Variants in ANTXRL observed in about 807,000 individuals in gnomAD.
ANTXRL encodes the protein ANTXR like, also known as anthrax toxin receptor-like.
In ANTXRL, 63 loss-of-function variants were observed where a neutral mutation model predicts 75.4. The ratio of observed to expected loss-of-function variants is 0.84; its 90% CI spans 0.68 to 1.03. The LOEUF (loss-of-function observed/expected upper bound fraction) is 1.03. ANTXRL is among the 50% of genes least tolerant of loss of function. The pLI, the probability that ANTXRL is intolerant of heterozygous loss-of-function variation, is 0.00. For synonymous variants in ANTXRL, 335 were observed against 291.3 expected, an observed-to-expected ratio of 1.15 and a Z score of -1.53; for missense variants, 797 against 789.4, an observed-to-expected ratio of 1.01 and a Z score of -0.12.
Position 46,292,239 on chromosome 10 carries a change from G to A in ANTXRL, c.320+110G>A, listed in dbSNP as rs556059085. 6 of 990,794 alleles carry A rather than the reference G, an allele frequency of 6.1e-6. No homozygotes were observed. The Admixed American group carries it at 1.2e-4, about 20-fold the overall frequency. 61.4% of individuals were successfully genotyped at this position (990,794 alleles called of 1,614,324 possible). A position where few individuals can be genotyped will look rare whatever the true frequency, so the allele number is the denominator to read the frequency against. ...GGGGTGGGCGTGGGAGTCCTTCAGT[G>A]GGGGACACAGAGCACAAGGTGGCAT... On this transcript the variant is annotated intron_variant, in intron 2 of 16. Coordinates refer to ENST00000620264, the MANE Select transcript of ANTXRL (RefSeq NM_001278688.3).
intron 16 of ANTXRL, among the ~76,000 whole-genome samples, chr10:46,326,267 G>A (rs1296984270): frequency 2.6e-5 from 4 of 152,060 alleles, no homozygotes; most frequent in Non-Finnish European, 4.4e-5. Context: ...CAGCACTGGT[G>A]TTAGGGATGA....
At chr10:46,302,374 G>A (rs1837804677) in intron 9 of ANTXRL, among the ~76,000 whole-genome samples, 1 of 152,150 alleles carries the variant, frequency 6.6e-6, no homozygotes, top group African/African-American at 2.4e-5. Flanking sequence ...TGAGTGCACG[G>A]CCTGCACACC....
rs115918208 is a variant in ANTXRL, at chr10:46,307,264, C to T, written c.966-138C>T. On this transcript the variant is annotated intron_variant, in intron 11 of 16. Transcript: ENST00000620264. Reference sequence around the variant, plus strand: ...CCATGCAGGGCCCCTCACTGTCTGACCCACTTACCCTTTGGTCATCATTGC... The same window carrying T: ...CCATGCAGGGCCCCTCACTGTCTGATCCACTTACCCTTTGGTCATCATTGC... 3.5e-4 allele frequency: 240 copies of T among 693,844 alleles called. 1 individual carries two copies. The African/African-American group carries it at 3.9e-3, about 11-fold the overall frequency. 43.0% of individuals were successfully genotyped at this position (693,844 alleles called of 1,614,324 possible).
intron 12 of ANTXRL, among the ~76,000 whole-genome samples, 196 bp from the exon 13 acceptor site, chr10:46,308,917 T>A (rs550702324): frequency 6.6e-6 from 1 of 152,154 alleles, no homozygotes; most frequent in Non-Finnish European, 1.5e-5. Flanking sequence ...GGCAGGGCTC[T>A]GGGGCAGAGA....
chr10:46,292,513 A>G (rs1191097046), intron 2 of ANTXRL, among the ~76,000 whole-genome samples: 3 of 152,190 alleles, frequency 2.0e-5, no homozygotes, highest in African/African-American at 7.2e-5. Context: ...TCCTAAGGAC[A>G]AAGTCAAGGA....
intron 16 of ANTXRL, among the ~76,000 whole-genome samples, chr10:46,315,078 G>T (rs1554964412): frequency 6.6e-6 from 1 of 152,214 alleles, no homozygotes; most frequent in Non-Finnish European, 1.5e-5. Context: ...AGCCTTCGGT[G>T]TGCTGGCCCT....
In ANTXRL at chr10:46,297,285, A is replaced by C. The variant is rs1837437843; in HGVS notation, c.542A>C (p.Asp181Ala). 5 of 1,536,386 alleles carry C rather than the reference A, an allele frequency of 3.3e-6. No homozygotes were observed. The Middle Eastern group carries it at 5.0e-4, about 153-fold the overall frequency. ...CCCAGCATGATTATTGCTATGACTG[A>C]TGGAGAACTGGTGGCACATGCATTT... is the stretch of plus-strand genomic sequence containing the variant. Reference protein sequence around the residue: ...KVPSMIIAMTDGELVAHAFQD... With the variant: ...KVPSMIIAMTAGELVAHAFQD... Residue 181 changes from aspartate (D) to alanine (A), a missense_variant, in exon 6 of 17, where the codon GAT (aspartate) becomes GCT (alanine). Around this residue, in one of 3 missense-constraint regions of ANTXRL, gnomAD observed 262 missense variants for 271.9 expected, o/e 0.96. Transcript: ENST00000620264.
chr10:46,319,296 A>G lies in ANTXRL; in HGVS notation c.1410+5980A>G, dbSNP rs551736687. On this transcript the variant is annotated intron_variant, in intron 16 of 16. Coordinates refer to ENST00000620264, the MANE Select transcript of ANTXRL (RefSeq NM_001278688.3). ...CAAAAATGAGTTACTTGATCTCAGT[A>G]TGGAATTCACAAGTCACAACATCAT... is the stretch of plus-strand genomic sequence containing the variant. Among the ~76,000 whole-genome samples the G allele has an allele frequency of 7.2e-5, 11 of 152,180 alleles. 1 individual carries two copies. The highest frequency in any genetic ancestry group is 1.2e-4 in the Non-Finnish European group (8 of 68,038).
At chr10:46,326,774 A>T (rs1385016901) in intron 16 of ANTXRL, among the ~76,000 whole-genome samples, 1 of 152,080 alleles carries the variant, frequency 6.6e-6, no homozygotes, top group East Asian at 1.9e-4. Flanking sequence ...TGGTGGGTGG[A>T]ATACAGTGCT....
chr10:46,327,286 T>C (rs551689344), intron 16 of ANTXRL, among the ~76,000 whole-genome samples: 1 of 152,202 alleles, frequency 6.6e-6, no homozygotes, highest in South Asian at 2.1e-4. Context: ...GACTGGATCC[T>C]GCCAGCAGTG....
upstream of ANTXRL, among the ~76,000 whole-genome samples, chr10:46,286,167 C>T (rs1478982609): frequency 6.6e-6 from 1 of 152,122 alleles, no homozygotes; most frequent in Non-Finnish European, 1.5e-5. Context: ...TGTGTTCCTG[C>T]CCATTGACTC....
At chr10:46,307,289 C>A in intron 11 of ANTXRL, 113 bp from the exon 12 acceptor site, 1 of 800,056 alleles carries the variant, frequency 1.2e-6, no homozygotes, top group African/African-American at 1.7e-5. Flanking sequence ...GTCATCATTG[C>A]TAAGTTTACC....
At chr10:46,299,203 CAG>C (rs1378177135) in intron 9 of ANTXRL, among the ~76,000 whole-genome samples, 3 of 152,036 alleles carry the variant, frequency 2.0e-5, no homozygotes, top group African/African-American at 7.3e-5. Flanking sequence ...GCGGTTATCT[CAG>C]GGGATGAAGA....
At position 46,329,597 on chromosome 10, in the gene ANTXRL, A is replaced by G. The variant is rs1255505063; in HGVS notation, c.1411-2A>G. On this transcript the variant is annotated splice_acceptor_variant, in intron 16 of 16. Transcript: ENST00000620264. LOFTEE classifies it high-confidence loss of function. ...ACCTTCTCTCTCTTCTCTTCCCTAC[A>G]GGGGAGGTACCTCAGCTTAGCCCTT... The G allele has an allele frequency of 1.3e-6, 2 of 1,534,986 alleles. No individual in the cohort carries two copies. The highest frequency in any genetic ancestry group is 2.4e-5 in the East Asian group (1 of 40,870).
chr10:46,298,295 ATG>A (rs1837510406), intron 9 of ANTXRL, among the ~76,000 whole-genome samples: 1 of 151,372 alleles, frequency 6.6e-6, no homozygotes, highest in South Asian at 2.1e-4. Context: ...GGGAGGCTTG[ATG>A]TGTGTGAAAT....
chr10:46,324,829 C>A (rs1407440783), intron 16 of ANTXRL, among the ~76,000 whole-genome samples: 1 of 152,114 alleles, frequency 6.6e-6, no homozygotes, highest in South Asian at 2.1e-4. Flanking sequence ...TTGCTTCTCC[C>A]TCTGAGGAGA....
chr10:46,297,106 T>A lies in ANTXRL; in HGVS notation c.509-146T>A, dbSNP rs1837425554. 1.0e-5 allele frequency: 7 copies of A among 672,884 alleles called. No individual in the cohort carries two copies. In the South Asian group the frequency reaches 1.3e-4, roughly 13 times the overall value. 41.7% of individuals were successfully genotyped at this position (672,884 alleles called of 1,614,324 possible). ...GGCAGGTGCTTGGGTCTTGGCAGCC[T>A]CTCCTCTGGAGGATGAGGTGGGGGC... On this transcript the variant is annotated intron_variant, in intron 5 of 16. Coordinates refer to ENST00000620264, the MANE Select transcript of ANTXRL (RefSeq NM_001278688.3).
intron 9 of ANTXRL, among the ~76,000 whole-genome samples, chr10:46,299,983 C>A (rs1160027989): frequency 6.6e-6 from 1 of 152,178 alleles, no homozygotes; most frequent in African/African-American, 2.4e-5. Flanking sequence ...TGATTTAAAG[C>A]GGCTCAGCCG....
intron 14 of ANTXRL, among the ~76,000 whole-genome samples, chr10:46,311,224 G>A (rs1200965634): frequency 2.0e-5 from 3 of 152,086 alleles, no homozygotes; most frequent in African/African-American, 4.8e-5. Flanking sequence ...AGGTGGATAC[G>A]GACAGTCACC....
Sources: allele counts gnomAD v4.1 joint callset (sites outside exome capture counted in the v4.1 genomes callset), GRCh38; gene constraint gnomAD v4.1.1; regional missense constraint gnomAD v4.1.1; transcripts MANE v1.5; gene names NCBI Gene and HGNC (gene_info 2026-07-23, HGNC 2026-07-21).